Variants in TAFA5 observed in about 807,000 individuals in gnomAD.
The protein encoded by TAFA5 is chemokine-like protein TAFA-5.
A neutral mutation model predicts 15.3 loss-of-function variants in TAFA5; 6 were observed. That is an observed-to-expected ratio of 0.39 (90% CI 0.21 to 0.77). The LOEUF (loss-of-function observed/expected upper bound fraction) is 0.77, where lower values mean the gene tolerates loss of function less well. Ranked by LOEUF, TAFA5 falls within the 30% of genes least tolerant of loss-of-function variation. TAFA5 has a pLI of 0.41. For synonymous variants in TAFA5, 103 were observed against 80.7 expected, an observed-to-expected ratio of 1.28 and a Z score of -1.48; for missense variants, 161 against 193.1, an observed-to-expected ratio of 0.83 and a Z score of 0.98.
chr22:48,646,456 G>A, intron 1 of TAFA5, 141 bp from the exon 2 acceptor site: 1 of 1,088,450 alleles, frequency 9.2e-7, no homozygotes, highest in Admixed American at 2.9e-5. Context: ...GGTGCTTTCG[G>A]ACGCTCCCTC....
intron 1 of TAFA5, among the ~76,000 whole-genome samples, chr22:48,580,550 A>T (rs186435434): frequency 6.6e-6 from 1 of 152,340 alleles, no homozygotes; most frequent in Non-Finnish European, 1.5e-5. Flanking sequence ...GGCTTGGTAG[A>T]TGCCCTTGAG....
intron 2 of TAFA5, among the ~76,000 whole-genome samples, chr22:48,674,849 G>T (rs1336736732): frequency 1.3e-5 from 2 of 152,176 alleles, no homozygotes; most frequent in Non-Finnish European, 2.9e-5. Context: ...TATTCTTTCG[G>T]TGTTGCTGTG....
At chr22:48,678,859 G>A (rs530316281) in intron 2 of TAFA5, among the ~76,000 whole-genome samples, 1 of 132,148 alleles carries the variant, frequency 7.6e-6, no homozygotes, top group Admixed American at 8.1e-5. Context: ...CTGTCTCTGA[G>A]TTCCGGTGCC....
At chr22:48,661,990 GGGGGCTC>G (rs1927458812) in intron 2 of TAFA5, among the ~76,000 whole-genome samples, 1 of 130,846 alleles carries the variant, frequency 7.6e-6, no homozygotes, top group African/African-American at 3.0e-5. Context: ...GATGGTGACT[GGGGGCTC>G]ATTGGGGTGC....
At chr22:48,604,349 T>C (rs1046502964) in intron 1 of TAFA5, among the ~76,000 whole-genome samples, 4 of 152,248 alleles carry the variant, frequency 2.6e-5, no homozygotes, top group African/African-American at 9.6e-5. Context: ...CACTCAGACA[T>C]GTCCTCTGCA....
At chr22:48,686,001 G>A (rs560696661) in intron 2 of TAFA5, among the ~76,000 whole-genome samples, 1 of 148,976 alleles carries the variant, frequency 6.7e-6, no homozygotes. Context: ...GGGAGTACAC[G>A]CAGGCCCCAC....
At chr22:48,726,228 G>T (rs1929710479) in intron 3 of TAFA5, among the ~76,000 whole-genome samples, 1 of 152,214 alleles carries the variant, frequency 6.6e-6, no homozygotes, top group Admixed American at 6.5e-5. Flanking sequence ...AAATAAGACA[G>T]CTTTAGATTT....
At chr22:48,615,903 T>C (rs1014622962) in intron 1 of TAFA5, among the ~76,000 whole-genome samples, 22 of 152,174 alleles carry the variant, frequency 1.4e-4, no homozygotes, top group African/African-American at 4.6e-4. Context: ...GGCCTAATGG[T>C]TTCCAATCCT....
chr22:48,510,702 T>C (rs1921178817), intron 1 of TAFA5, among the ~76,000 whole-genome samples: 2 of 152,172 alleles, frequency 1.3e-5, no homozygotes, highest in Non-Finnish European at 2.9e-5. Flanking sequence ...GATGCTCCCC[T>C]GGCTTCCCTC....
chr22:48,539,186 T>A (rs946448466), intron 1 of TAFA5: 9 of 311,560 alleles, frequency 2.9e-5, no homozygotes, highest in African/African-American at 1.9e-4. Flanking sequence ...TCTTGGTAAA[T>A]AATGACATTT....
At chr22:48,651,430 G>A (rs1038829988) in intron 2 of TAFA5, among the ~76,000 whole-genome samples, 30 of 152,240 alleles carry the variant, frequency 2.0e-4, no homozygotes, top group Non-Finnish European at 2.1e-4. Flanking sequence ...GGAGGTGGGT[G>A]TTGGGTGGAG....
chr22:48,569,244 C>T (rs868334517), intron 1 of TAFA5, among the ~76,000 whole-genome samples: 1 of 152,140 alleles, frequency 6.6e-6, no homozygotes, highest in African/African-American at 2.4e-5. Context: ...GGCCACGGGC[C>T]GTGGATACTC....
intron 3 of TAFA5, among the ~76,000 whole-genome samples, chr22:48,721,337 C>A (rs1051374669): frequency 6.6e-6 from 1 of 152,190 alleles, no homozygotes; most frequent in East Asian, 1.9e-4. Flanking sequence ...TCGTCCCGCC[C>A]GCTGCGTGTG....
chr22:48,737,992 G>T lies in TAFA5; in HGVS notation c.391-11847G>T, dbSNP rs191104651. 5.7e-3 allele frequency among the ~76,000 whole-genome samples: 863 copies of T among 152,222 alleles called. 13 individuals are homozygous for T. The highest frequency in any genetic ancestry group is 0.02 in the African/African-American group (823 of 41,542). On this transcript the variant is annotated intron_variant, in intron 3 of 3. Transcript: ENST00000402357. ...CCTTCCCTGGGGGATGCTGTTGGGG[G>T]GGCTCTGGCCTCCTTTGGAGGACAT...
At chr22:48,701,498 A>G (rs132226) in intron 2 of TAFA5, among the ~76,000 whole-genome samples, 119,414 of 151,814 alleles carry the variant, frequency 0.79, 47,361 homozygotes, top group African/African-American at 0.88. Flanking sequence ...TTCCTAGGGT[A>G]AACTTTCCTC....
chr22:48,661,397 C>T (rs1472037802), intron 2 of TAFA5, among the ~76,000 whole-genome samples: 1 of 152,224 alleles, frequency 6.6e-6, no homozygotes, highest in African/African-American at 2.4e-5. Context: ...ACCCCGGCCG[C>T]AGAACTCGCC....
At chr22:48,654,215 C>A (rs1927155201) in intron 2 of TAFA5, among the ~76,000 whole-genome samples, 1 of 152,058 alleles carries the variant, frequency 6.6e-6, no homozygotes, top group Non-Finnish European at 1.5e-5. Context: ...GTGCTGCCAA[C>A]CAGGAGAGCC....
At chr22:48,700,244 G>A (rs1470617468) in intron 2 of TAFA5, among the ~76,000 whole-genome samples, 1 of 152,184 alleles carries the variant, frequency 6.6e-6, no homozygotes, top group African/African-American at 2.4e-5. Context: ...AGGAACATAG[G>A]AGGGGGCTGG....
chr22:48,617,390 G>C (rs1293744727), intron 1 of TAFA5, among the ~76,000 whole-genome samples: 2 of 152,226 alleles, frequency 1.3e-5, no homozygotes, highest in Non-Finnish European at 2.9e-5. Context: ...ACTTTAGCCA[G>C]TGAAGCTGGG....
Sources: allele counts gnomAD v4.1 joint callset (sites outside exome capture counted in the v4.1 genomes callset), GRCh38; gene constraint gnomAD v4.1.1; transcripts MANE v1.5; gene names NCBI Gene and HGNC (gene_info 2026-07-23, HGNC 2026-07-21).